Variants in TRIO observed in about 807,000 individuals in gnomAD.
TRIO encodes trio Rho guanine nucleotide exchange factor.
Under a neutral mutation model 351.9 loss-of-function variants are expected in TRIO, and 58 were observed. The observed-to-expected ratio is 0.16, with a 90% CI of 0.13 to 0.21. TRIO has a LOEUF of 0.21. TRIO is among the 10% of genes least tolerant of loss of function. The probability of loss-of-function intolerance (pLI) is 1.00; values close to 1 mark genes in which losing one functional copy is unlikely to be tolerated. For synonymous variants in TRIO, 1,758 were observed against 1,595.7 expected, an observed-to-expected ratio of 1.10 and a Z score of -2.42; for missense variants, 3,201 against 4,027.8, an observed-to-expected ratio of 0.79 and a Z score of 5.56.
At chr5:14,429,040 T>TTGTTCAC (rs1750880601) in intron 34 of TRIO, among the ~76,000 whole-genome samples, 1 of 152,194 alleles carries the variant, frequency 6.6e-6, no homozygotes, top group Non-Finnish European at 1.5e-5. Flanking sequence ...CCTTTTAAAT[T>TTGTTCAC]TGTTCACTCT....
Position 14,364,713 on chromosome 5 carries a change from T to G in TRIO, c.2651T>G (p.Phe884Cys). 1 of 1,613,562 alleles carries G rather than the reference T, an allele frequency of 6.2e-7. No individual in the cohort carries two copies. Among genetic ancestry groups the G allele is most frequent in the Non-Finnish European group, 8.5e-7 (1 of 1,180,006 alleles). Residue 884 changes from phenylalanine to cysteine, a missense_variant, in exon 15 of 57, where the codon TTT becomes TGT. By Grantham distance (205) the Phe-to-Cys change is radical. Coordinates refer to ENST00000344204, the MANE Select transcript of TRIO (RefSeq NM_007118.4). ...ACTCGGGTCCAGGACCTGCTGGAGT[T>G]TCTTCATGAAAAACAGCAGGAATTG... ...MATRVQDLLE[F>C]LHEKQQELDL...
chr5:14,410,452 A>G (rs1355413068), intron 33 of TRIO, among the ~76,000 whole-genome samples: 1 of 152,178 alleles, frequency 6.6e-6, no homozygotes, highest in African/African-American at 2.4e-5. Context: ...ACTAGGCTTA[A>G]CCAGCAACCC....
At chr5:14,466,455 G>A (rs1754270282) in intron 37 of TRIO, 1 of 152,178 alleles carries the variant, frequency 6.6e-6, no homozygotes, top group African/African-American at 2.4e-5. Flanking sequence ...TTTGATAAAA[G>A]CCCCAAATTA....
chr5:14,295,615 G>A (rs1737293270), intron 6 of TRIO, among the ~76,000 whole-genome samples: 1 of 152,216 alleles, frequency 6.6e-6, no homozygotes. Context: ...TGTCGGACTG[G>A]CTTTTTCTCT....
chr5:14,350,185 AAGGC>A (rs1162556998), intron 11 of TRIO, among the ~76,000 whole-genome samples: 21 of 152,162 alleles, frequency 1.4e-4, no homozygotes, highest in African/African-American at 5.1e-4. Context: ...ACCCTAAGGA[AAGGC>A]AGGCAGGCTG....
chr5:14,185,894 A>G (rs759867288), intron 1 of TRIO, among the ~76,000 whole-genome samples: 4 of 152,070 alleles, frequency 2.6e-5, no homozygotes, highest in Non-Finnish European at 4.4e-5. Flanking sequence ...TTCCAATTGG[A>G]GAAGACTGTT....
chr5:14,260,903 A>G (rs1277857644), intron 1 of TRIO, among the ~76,000 whole-genome samples: 2 of 152,218 alleles, frequency 1.3e-5, no homozygotes, highest in African/African-American at 2.4e-5. Context: ...CCAGGGCTGG[A>G]AAATGAATCA....
In TRIO at chr5:14,504,433, A is replaced by T. The variant is rs928559459; in HGVS notation, c.8452A>T (p.Thr2818Ser). Residue 2818 changes from threonine (T) to serine (S), a missense_variant, in exon 55 of 57, where the codon ACC becomes TCC. By Grantham distance (58) the Thr-to-Ser change is moderately conservative (BLOSUM62 1). Coordinates refer to ENST00000344204, the MANE Select transcript of TRIO (RefSeq NM_007118.4). ...SVVKKCDQKGTKRAVATKFVN... is the reference protein window; with the variant it reads ...SVVKKCDQKGSKRAVATKFVN... Reference sequence around the variant, plus strand: ...CGTTAAGAAATGTGATCAGAAAGGAACCAAGCGAGCAGTGGCCACTAAGTT... The same window carrying T: ...CGTTAAGAAATGTGATCAGAAAGGATCCAAGCGAGCAGTGGCCACTAAGTT... The T allele has an allele frequency of 5.0e-6, 8 of 1,614,158 alleles. No homozygotes were observed. The highest frequency in any genetic ancestry group is 5.9e-6 in the Non-Finnish European group (7 of 1,180,018).
chr5:14,490,837 A>G, intron 48 of TRIO: 1 of 456,110 alleles, frequency 2.2e-6, no homozygotes, highest in South Asian at 1.5e-5. Context: ...TTTTGTTTAC[A>G]TATTCTTGGA....
chr5:14,207,932 C>A (rs930866682), intron 1 of TRIO, among the ~76,000 whole-genome samples: 3 of 152,116 alleles, frequency 2.0e-5, no homozygotes, highest in African/African-American at 7.2e-5. Context: ...TATCATTAGT[C>A]ACTAGGAAAA....
chr5:14,304,683 C>A (rs1738205592), intron 8 of TRIO, 91 bp downstream of exon 8: 1 of 1,427,038 alleles, frequency 7.0e-7, no homozygotes, highest in Non-Finnish European at 9.5e-7. Context: ...TTTGGGTAGC[C>A]CAGAAAAAGT....
chr5:14,341,585 T>C (rs182522634), intron 11 of TRIO, among the ~76,000 whole-genome samples: 109 of 152,392 alleles, frequency 7.2e-4, no homozygotes, highest in Non-Finnish European at 1.2e-3. Context: ...GATTTAGTGA[T>C]TGAATGAGAT....
At chr5:14,242,177 G>T (rs908662531) in intron 1 of TRIO, among the ~76,000 whole-genome samples, 17 of 152,230 alleles carry the variant, frequency 1.1e-4, no homozygotes, top group African/African-American at 3.9e-4. Flanking sequence ...TCCAAGCAGG[G>T]AGGCCTTGCT....
intron 34 of TRIO, among the ~76,000 whole-genome samples, chr5:14,437,499 C>T (rs191761316): frequency 3.9e-5 from 6 of 152,288 alleles, no homozygotes; most frequent in African/African-American, 1.2e-4. Flanking sequence ...AAGTACCACA[C>T]ACTGCCTGGT....
rs74511844 is a variant in TRIO at position 14,259,237 on chromosome 5, T to C, written c.158-11588T>C. 1.2e-4 allele frequency among the ~76,000 whole-genome samples: 18 copies of C among 152,292 alleles called. No homozygotes were observed. The East Asian group carries it at 3.5e-3, about 29-fold the overall frequency. Reference sequence around the variant, plus strand: ...AGAGAGGTGAGTCCATCACAGCAAATCTGTTTCTGTGTCAAAATTTGTTTT... The same window carrying C: ...AGAGAGGTGAGTCCATCACAGCAAACCTGTTTCTGTGTCAAAATTTGTTTT... On this transcript the variant is annotated intron_variant, in intron 1 of 56. Transcript: ENST00000344204.
intron 42 of TRIO, 33 bp from the exon 43 acceptor site, chr5:14,479,886 C>A: frequency 6.2e-7 from 1 of 1,604,330 alleles, no homozygotes; most frequent in Non-Finnish European, 8.5e-7. Flanking sequence ...AATGAACAGC[C>A]CATACGATCT....
chr5:14,405,828 A>C lies in TRIO; in HGVS notation c.4717-20A>C, dbSNP rs768264269. On this transcript the variant is annotated intron_variant, in intron 31 of 56. Coordinates refer to ENST00000344204, the MANE Select transcript of TRIO (RefSeq NM_007118.4). ...GAAAGGGCCGTTCCGTATCCTAAGC[A>C]ACGCTAACACCTTGTTAAGGCTTCC... 6.2e-7 allele frequency: 1 copy of C among 1,609,420 alleles called. No homozygotes were observed. The highest frequency in any genetic ancestry group is 8.5e-7 in the Non-Finnish European group (1 of 1,176,150).
intron 34 of TRIO, among the ~76,000 whole-genome samples, chr5:14,427,127 T>A (rs1203017131): frequency 6.6e-6 from 1 of 152,100 alleles, no homozygotes; most frequent in African/African-American, 2.4e-5. Flanking sequence ...TGTGTTTCCA[T>A]CAACACCCAG....
At chr5:14,362,301 T>C (rs1405613279) in intron 13 of TRIO, among the ~76,000 whole-genome samples, 2 of 152,216 alleles carry the variant, frequency 1.3e-5, no homozygotes, top group African/African-American at 4.8e-5. Context: ...ATGGTTTTTC[T>C]AAAAGATGAG....
Sources: gnomAD v4.1 joint callset for allele counts (sites outside exome capture counted in the v4.1 genomes callset) on GRCh38, gnomAD v4.1.1 for gene constraint, MANE v1.5 for transcripts, NCBI Gene and HGNC (gene_info 2026-07-23, HGNC 2026-07-21) for gene names.